The following B3GAT2 variants were observed in gnomAD, a reference collection of about 807,000 sequenced individuals.
The protein encoded by B3GAT2 is beta-1,3-glucuronyltransferase 2.
In B3GAT2, 26 loss-of-function variants were observed where a neutral mutation model predicts 27.8. That is an observed-to-expected ratio of 0.93 (90% confidence interval 0.68 to 1.30). The LOEUF (loss-of-function observed/expected upper bound fraction) is 1.30, where lower values mean the gene tolerates loss of function less well. Among genes scored for constraint, B3GAT2 ranks in the 50% most tolerant of loss-of-function variants. The pLI is 0.00. For synonymous variants in B3GAT2, 218 were observed against 195.1 expected, an observed-to-expected ratio of 1.12 and a Z score of -0.98; for missense variants, 458 against 459.0, an observed-to-expected ratio of 1.00 and a Z score of 0.02.
At chr6:70,871,829 A>G (rs1209656898) in intron 2 of B3GAT2, among the ~76,000 whole-genome samples, 1 of 151,816 alleles carries the variant, frequency 6.6e-6, no homozygotes, top group Non-Finnish European at 1.5e-5. Flanking sequence ...TAATGGAGGT[A>G]TGTGAAGCTA....
At chr6:70,954,918 G>GGA (rs905507984) in intron 1 of B3GAT2, among the ~76,000 whole-genome samples, 1 of 151,550 alleles carries the variant, frequency 6.6e-6, no homozygotes. Context: ...GGGGCGGCGG[G>GGA]GGGGGGCGGT....
At chr6:70,869,983 C>T (rs1043222172) in intron 2 of B3GAT2, among the ~76,000 whole-genome samples, 27 of 152,164 alleles carry the variant, frequency 1.8e-4, no homozygotes, top group African/African-American at 4.8e-4. Context: ...GTCAGTGTGG[C>T]GATTCCTCAG....
At position 70,885,333 on chromosome 6, in the gene B3GAT2, G is replaced by A. The variant is rs371496850; in HGVS notation, c.736+8795C>T. Among the ~76,000 whole-genome samples the A allele has an allele frequency of 8.5e-5, 13 of 152,240 alleles. No homozygotes were observed. In the East Asian group the frequency reaches 1.7e-3, roughly 20 times the overall value. Reference sequence around the variant, plus strand: ...CACCAAATGCCTTGCAAATCTCAATGTTACAAATGGCATTTTCTTCTGAAA... The same window carrying A: ...CACCAAATGCCTTGCAAATCTCAATATTACAAATGGCATTTTCTTCTGAAA... On this transcript the variant is annotated intron_variant, in intron 2 of 3. Transcript: ENST00000230053.
intron 1 of B3GAT2, among the ~76,000 whole-genome samples, chr6:70,906,399 T>C (rs1772603427): frequency 6.6e-6 from 1 of 152,148 alleles, no homozygotes; most frequent in Non-Finnish European, 1.5e-5. Context: ...TTCAGTGGCA[T>C]GATCACAGCT....
intron 1 of B3GAT2, among the ~76,000 whole-genome samples, chr6:70,941,027 T>A (rs921593127): frequency 2.6e-5 from 4 of 152,098 alleles, no homozygotes; most frequent in African/African-American, 9.7e-5. Context: ...CTCTCACATC[T>A]CACTTCCTCC....
intron 1 of B3GAT2, among the ~76,000 whole-genome samples, chr6:70,927,973 C>T (rs1250940069): frequency 6.6e-6 from 1 of 151,968 alleles, no homozygotes; most frequent in Non-Finnish European, 1.5e-5. Flanking sequence ...GAACAGAAAT[C>T]ACAACAAACT....
intron 1 of B3GAT2, among the ~76,000 whole-genome samples, chr6:70,924,776 C>T (rs1261827351): frequency 6.6e-6 from 1 of 152,272 alleles, no homozygotes; most frequent in East Asian, 1.9e-4. Context: ...AATAGCCCTT[C>T]CCCCAAACTA....
Position 70,860,914 on chromosome 6 carries a change from T to C in B3GAT2, c.*749A>G, listed in dbSNP as rs1254430352. 11 of 384,498 alleles carry C rather than the reference T, an allele frequency of 2.9e-5. No homozygotes were observed. The highest frequency in any genetic ancestry group is 1.8e-4 in the East Asian group (5 of 27,212). 23.8% of individuals were successfully genotyped at this position (384,498 alleles called of 1,614,324 possible). A position where few individuals can be genotyped will look rare whatever the true frequency, so the allele number is the denominator to read the frequency against. On this transcript the variant is annotated 3_prime_UTR_variant, in exon 4 of 4. Coordinates refer to ENST00000230053, the MANE Select transcript of B3GAT2 (RefSeq NM_080742.3). ...ACGTGGATGTTACTCCAAAACTTCG[T>C]TTAATGAATGCTTAAAGAATTCAAA...
chr6:70,930,097 T>C (rs1773035046), intron 1 of B3GAT2, among the ~76,000 whole-genome samples: 2 of 152,196 alleles, frequency 1.3e-5, no homozygotes, highest in Admixed American at 1.3e-4. Context: ...GGGGAAAAGA[T>C]TCCCTACTTA....
At chr6:70,898,985 A>G (rs1451974700) in intron 1 of B3GAT2, among the ~76,000 whole-genome samples, 2 of 151,616 alleles carry the variant, frequency 1.3e-5, no homozygotes, top group East Asian at 3.9e-4. Flanking sequence ...TAAATAAATA[A>G]ATAAATAAAT....
intron 1 of B3GAT2, among the ~76,000 whole-genome samples, chr6:70,921,669 GT>G (rs1349278234): frequency 1.3e-5 from 2 of 152,174 alleles, no homozygotes; most frequent in Non-Finnish European, 2.9e-5. Flanking sequence ...AGGCACTCTA[GT>G]TTTTTGAATT....
Position 70,861,869 on chromosome 6 carries a change from T to C in B3GAT2, c.846A>G (p.Thr282=). The C allele has an allele frequency of 6.2e-7, 1 of 1,614,022 alleles. No individual in the cohort carries two copies. Among genetic ancestry groups the C allele is most frequent in the Non-Finnish European group, 8.5e-7 (1 of 1,179,920 alleles). The part of the protein sequence containing the change: ...QESDFLKQIT[T]VEELEPKANN... ...TTGCTTTCGGTTCCAGTTCTTCGAC[T>C]GTTGTTATCTGTTTGAGAAAGTCAG... Residue 282 remains threonine (T), a synonymous_variant, in exon 3 of 4, where the codon ACA becomes ACG. Coordinates refer to ENST00000230053, the MANE Select transcript of B3GAT2 (RefSeq NM_080742.3).
intron 2 of B3GAT2, among the ~76,000 whole-genome samples, chr6:70,863,728 G>GATACTACAATATATAAATAAAA (rs1375961042): frequency 6.6e-6 from 1 of 152,162 alleles, no homozygotes; most frequent in Non-Finnish European, 1.5e-5. Context: ...CTGTTCAAAA[G>GATACTACAATATATAAATAAAA]ATACTACAAT....
At chr6:70,888,963 C>T (rs937164473) in intron 2 of B3GAT2, among the ~76,000 whole-genome samples, 3 of 152,268 alleles carry the variant, frequency 2.0e-5, no homozygotes, top group East Asian at 1.9e-4. Flanking sequence ...TTCGACCCCA[C>T]GATGTATCTG....
intron 1 of B3GAT2, among the ~76,000 whole-genome samples, chr6:70,904,705 G>A (rs534358079): frequency 2.6e-5 from 4 of 152,268 alleles, no homozygotes; most frequent in South Asian, 2.1e-4. Context: ...GAATGACATC[G>A]ATGGATTAAA....
chr6:70,889,378 G>C (rs1435083825), intron 2 of B3GAT2, among the ~76,000 whole-genome samples: 1 of 152,108 alleles, frequency 6.6e-6, no homozygotes, highest in Non-Finnish European at 1.5e-5. Flanking sequence ...CATTTCTTAA[G>C]AGTTGTCTCC....
intron 1 of B3GAT2, among the ~76,000 whole-genome samples, chr6:70,927,306 G>C (rs1230050748): frequency 6.6e-6 from 1 of 152,144 alleles, no homozygotes; most frequent in Non-Finnish European, 1.5e-5. Context: ...ATGATGACAG[G>C]ATCAAATTCA....
intron 2 of B3GAT2, among the ~76,000 whole-genome samples, chr6:70,887,476 C>T (rs745761812): frequency 7.9e-5 from 12 of 152,060 alleles, no homozygotes; most frequent in African/African-American, 1.7e-4. Context: ...AAACTTGTAG[C>T]GGGGACAGCT....
intron 1 of B3GAT2, among the ~76,000 whole-genome samples, chr6:70,937,662 T>C (rs1679054474): frequency 6.6e-6 from 1 of 151,842 alleles, no homozygotes; most frequent in South Asian, 2.1e-4. Flanking sequence ...CACATGATTA[T>C]CTCAATAGAT....
Sources: gnomAD v4.1 joint callset for allele counts (sites outside exome capture counted in the v4.1 genomes callset) on GRCh38, gnomAD v4.1.1 for gene constraint, MANE v1.5 for transcripts, NCBI Gene and HGNC (gene_info 2026-07-23, HGNC 2026-07-21) for gene names.